The following OR8B3 variants were observed in gnomAD, a reference collection of about 807,000 sequenced individuals.
OR8B3 encodes the protein olfactory receptor 8B3.
For missense variants in OR8B3, 278 were observed against 377.6 expected, an observed-to-expected ratio of 0.74 and a Z score of 2.19; for synonymous variants, 102 against 135.4, an observed-to-expected ratio of 0.75 and a Z score of 1.71.
upstream of OR8B3, among the ~76,000 whole-genome samples, chr11:124,403,808 T>C (rs1861038496): frequency 6.6e-6 from 1 of 152,154 alleles, no homozygotes; most frequent in Non-Finnish European, 1.5e-5. Flanking sequence ...GCCACTGCAC[T>C]CCAGCCTGGG....
At chr11:124,399,052 A>T (rs1212046009), upstream of OR8B3, 1 of 152,178 alleles carries the variant, frequency 6.6e-6, no homozygotes, top group Non-Finnish European at 1.5e-5. Context: ...CTACCATGAC[A>T]AACTCTGCAG....
rs1362081313 is a variant in OR8B3 at position 124,396,773 on chromosome 11, A to G, written c.579T>C (p.Tyr193=). The G allele has an allele frequency of 6.2e-7, 1 of 1,613,726 alleles. No individual in the cohort carries two copies. Among genetic ancestry groups the G allele is most frequent in the Non-Finnish European group, 8.5e-7 (1 of 1,179,738 alleles). The change falls in exon 2 of 2, where the codon TAT becomes TAC. Residue 193 remains tyrosine (Y), a synonymous_variant. Transcript: ENST00000641139. ...PLLQLSCTST[Y]VNEVVVLIVV... Reference sequence around the variant, plus strand: ...CAATGAGAACAACCACCTCGTTGACATAGGTGCTGGTGCAGGAAAGCTGGA... The same window carrying G: ...CAATGAGAACAACCACCTCGTTGACGTAGGTGCTGGTGCAGGAAAGCTGGA...
At chr11:124,402,377 G>C (rs1335043377), upstream of OR8B3, among the ~76,000 whole-genome samples, 1 of 152,164 alleles carries the variant, frequency 6.6e-6, no homozygotes, top group African/African-American at 2.4e-5. Flanking sequence ...AATCAATTCA[G>C]TTTTATGTAA....
At chr11:124,397,642 G>A (rs1860912500) in intron 1 of OR8B3, among the ~76,000 whole-genome samples, 1 of 151,912 alleles carries the variant, frequency 6.6e-6, no homozygotes, top group Admixed American at 6.6e-5. Flanking sequence ...TTGAGCTTGG[G>A]TTATGTGGAT....
chr11:124,403,846 T>A (rs2134215070), upstream of OR8B3, among the ~76,000 whole-genome samples: 1 of 152,282 alleles, frequency 6.6e-6, no homozygotes, highest in South Asian at 2.1e-4. Flanking sequence ...TGAGCGAGAC[T>A]CCGTCTGCAA....
chr11:124,404,463 T>A, the OR8B3 span: 1 of 151,992 alleles, frequency 6.6e-6, no homozygotes, highest in African/African-American at 2.4e-5. Context: ...GTGATATAAA[T>A]AACTTATTTT....
chr11:124,407,693 A>C, the OR8B3 span, among the ~76,000 whole-genome samples: 1 of 152,116 alleles, frequency 6.6e-6, no homozygotes, highest in Non-Finnish European at 1.5e-5. Flanking sequence ...ATGAAATACA[A>C]ATTTTATAGA....
At chr11:124,405,280 A>G in the OR8B3 span, among the ~76,000 whole-genome samples, 1 of 152,138 alleles carries the variant, frequency 6.6e-6, no homozygotes, top group African/African-American at 2.4e-5. Flanking sequence ...AAGACCTGAA[A>G]TTCCAGATTG....
upstream of OR8B3, among the ~76,000 whole-genome samples, chr11:124,399,737 A>G (rs1312801340): frequency 6.6e-6 from 1 of 152,240 alleles, no homozygotes; most frequent in Admixed American, 6.5e-5. Flanking sequence ...CAAAACCAGG[A>G]AATTGACATA....
rs780840631 is a variant in OR8B3 at position 124,396,976 on chromosome 11, T to C, written c.376A>G (p.Ile126Val). The C allele has an allele frequency of 2.5e-6, 4 of 1,613,656 alleles. No individual in the cohort carries two copies. Among genetic ancestry groups the C allele is most frequent in the Admixed American group, 1.7e-5 (1 of 59,902 alleles). ...TSMAYDRYVAICNPLLYKVTM... is the reference protein window; with the variant it reads ...TSMAYDRYVAVCNPLLYKVTM... Reference sequence around the variant, plus strand: ...ACCTTATACAGCAATGGATTACAGATGGCCACATAGCGATCATATGCCATT... The same window carrying C: ...ACCTTATACAGCAATGGATTACAGACGGCCACATAGCGATCATATGCCATT... The change falls in exon 2 of 2, where the codon ATC (isoleucine) becomes GTC (valine). Residue 126 changes from isoleucine to valine, a missense_variant. Transcript: ENST00000641139.
chr11:124,395,574 G>C lies in OR8B3; in HGVS notation c.*836C>G, dbSNP rs918003533. 2 of 152,118 alleles carry C rather than the reference G, an allele frequency of 1.3e-5. No homozygotes were observed. The highest frequency in any genetic ancestry group is 1.5e-5 in the Non-Finnish European group (1 of 68,016). The allele number at this position is 152,118 out of a possible 1,614,324, so 9.4% of individuals were successfully genotyped here. A position where few individuals can be genotyped will look rare whatever the true frequency, so the allele number is the denominator to read the frequency against. On this transcript the variant is annotated 3_prime_UTR_variant, in exon 2 of 2. Coordinates refer to ENST00000641139, the MANE Select transcript of OR8B3 (RefSeq NM_001005467.2). Reference sequence around the variant, plus strand: ...AATATTTCTGCTAACTTAATGTGCAGTATTTACCTATAACGAGTAAAAAAA... The same window carrying C: ...AATATTTCTGCTAACTTAATGTGCACTATTTACCTATAACGAGTAAAAAAA...
chr11:124,401,852 A>AG (rs1860999505), upstream of OR8B3, among the ~76,000 whole-genome samples: 1 of 152,212 alleles, frequency 6.6e-6, no homozygotes, highest in Non-Finnish European at 1.5e-5. Flanking sequence ...CCTAAGGCTG[A>AG]GCACTGTGCT....
upstream of OR8B3, among the ~76,000 whole-genome samples, chr11:124,403,570 A>G (rs1188912108): frequency 6.6e-6 from 1 of 150,400 alleles, no homozygotes; most frequent in Non-Finnish European, 1.5e-5. Flanking sequence ...CCGGGCAGAG[A>G]CGATCCTCAC....
At chr11:124,404,058 C>T in the OR8B3 span, among the ~76,000 whole-genome samples, 7,498 of 152,138 alleles carry the variant, frequency 0.049, 501 homozygotes, top group African/African-American at 0.15. Context: ...GCAGAGATGG[C>T]GGCAGCACAG....
chr11:124,407,188 T>G, the OR8B3 span, among the ~76,000 whole-genome samples: 2 of 152,182 alleles, frequency 1.3e-5, no homozygotes, highest in African/African-American at 4.8e-5. Flanking sequence ...GATCAGAAGT[T>G]TAATGGGATG....
At chr11:124,398,077 C>T (rs1294248372) in intron 1 of OR8B3, among the ~76,000 whole-genome samples, 2 of 152,112 alleles carry the variant, frequency 1.3e-5, no homozygotes, top group African/African-American at 4.8e-5. Flanking sequence ...AGGGAGGATT[C>T]CTTTAGGGCA....
rs926812004 is a variant in OR8B3 at position 124,395,558 on chromosome 11, G to T, written c.*852C>A. On this transcript the variant is annotated 3_prime_UTR_variant, in exon 2 of 2. Coordinates refer to ENST00000641139, the MANE Select transcript of OR8B3 (RefSeq NM_001005467.2). Reference sequence around the variant, plus strand: ...AGTAACCATTGTGTAAAATATTTCTGCTAACTTAATGTGCAGTATTTACCT... The same window carrying T: ...AGTAACCATTGTGTAAAATATTTCTTCTAACTTAATGTGCAGTATTTACCT... 6.6e-6 allele frequency: 1 copy of T among 152,072 alleles called. No individual in the cohort carries two copies. The allele number at this position is 152,072 out of a possible 1,614,324, so 9.4% of individuals were successfully genotyped here.
upstream of OR8B3, among the ~76,000 whole-genome samples, chr11:124,399,662 A>G (rs1411178402): frequency 7.2e-5 from 11 of 152,210 alleles, no homozygotes; most frequent in Non-Finnish European, 1.5e-4. Flanking sequence ...TCATACGTAG[A>G]TTCCCTTGAA....
At chr11:124,402,872 C>T (rs916845961), upstream of OR8B3, among the ~76,000 whole-genome samples, 16 of 149,148 alleles carry the variant, frequency 1.1e-4, no homozygotes, top group East Asian at 2.0e-4. Flanking sequence ...GGGTGTTTCT[C>T]GCAGATGGGG....
Sources: allele counts gnomAD v4.1 joint callset (sites outside exome capture counted in the v4.1 genomes callset), GRCh38; gene constraint gnomAD v4.1.1; transcripts MANE v1.5; gene names NCBI Gene and HGNC (gene_info 2026-07-23, HGNC 2026-07-21).